MGAT4D: variants seen among roughly 807,000 people sequenced by gnomAD.
The protein encoded by MGAT4D is MGAT4 family member D, also known as alpha-1,3-mannosyl-glycoprotein 4-beta-N-acetylglucosaminyltransferase-like protein MGAT4D.
In MGAT4D, 34 loss-of-function variants were observed where a neutral mutation model predicts 15.9. The ratio of observed to expected loss-of-function variants is 2.14; its 90% CI spans 1.62 to 2.84. The LOEUF is 2.84. Ranked by LOEUF, MGAT4D falls within the 30% of genes most tolerant of loss-of-function variation. The probability of loss-of-function intolerance (pLI) is 0.00; values close to 1 mark genes in which losing one functional copy is unlikely to be tolerated. For synonymous variants in MGAT4D, 112 were observed against 48.2 expected, an observed-to-expected ratio of 2.33 and a Z score of -5.49; for missense variants, 327 against 140.2, an observed-to-expected ratio of 2.33 and a Z score of -6.73.
intron 3 of MGAT4D, among the ~76,000 whole-genome samples, chr4:140,478,060 G>A (rs949245134): frequency 6.6e-6 from 1 of 152,034 alleles, no homozygotes; most frequent in Non-Finnish European, 1.5e-5. Context: ...TTTTTTAGTT[G>A]CCTGGAACAG....
chr4:140,476,463 TTCA>T (rs374964233), intron 3 of MGAT4D, among the ~76,000 whole-genome samples: 1 of 152,316 alleles, frequency 6.6e-6, no homozygotes, highest in African/African-American at 2.4e-5. Flanking sequence ...TTGTTTGCCT[TTCA>T]TATTTAGAGC....
intron 4 of MGAT4D, among the ~76,000 whole-genome samples, chr4:140,473,071 C>A (rs2126787142): frequency 6.6e-6 from 1 of 152,074 alleles, no homozygotes; most frequent in Admixed American, 6.5e-5. Context: ...TTGATGATAT[C>A]TTTATATCAT....
At chr4:140,492,500 C>T (rs1439901054) in intron 1 of MGAT4D, among the ~76,000 whole-genome samples, 1 of 152,036 alleles carries the variant, frequency 6.6e-6, no homozygotes, top group African/African-American at 2.4e-5. Context: ...TGGTGGCACG[C>T]GCCTGTAGTC....
In MGAT4D at chr4:140,459,547, C is replaced by T. The variant is rs1046916095; in HGVS notation, c.842G>A (p.Trp281Ter). 5 of 508,632 alleles carry T rather than the reference C, an allele frequency of 9.8e-6. No individual in the cohort carries two copies. The highest frequency in any genetic ancestry group is 1.7e-5 in the Non-Finnish European group (5 of 287,186). The allele number at this position is 508,632 out of a possible 1,614,324, so 31.5% of individuals were successfully genotyped here. A position where few individuals can be genotyped will look rare whatever the true frequency, so the allele number is the denominator to read the frequency against. The change falls in exon 8 of 11, where the codon TGG (tryptophan) becomes TAG (stop). Residue 281 changes from tryptophan to a stop codon, truncating the protein, a stop_gained. Transcript: ENST00000511113. LOFTEE classifies it high-confidence loss of function. Reference sequence around the variant, plus strand: ...AAGCATTGAAAACTCAATAAAAAACCAATTATTTGAACTGATATTACCTAC... The same window carrying T: ...AAGCATTGAAAACTCAATAAAAAACTAATTATTTGAACTGATATTACCTAC... ...DFVGNISSNN[W>*]FFIEFSMLGF... is the part of the protein sequence containing the mutation.
intron 2 of MGAT4D, among the ~76,000 whole-genome samples, chr4:140,480,703 C>A (rs1321314042): frequency 6.7e-6 from 1 of 148,884 alleles, no homozygotes; most frequent in African/African-American, 2.5e-5. Flanking sequence ...ACAGCATGAG[C>A]AATATAGCAA....
intron 1 of MGAT4D, among the ~76,000 whole-genome samples, chr4:140,483,845 G>A (rs994855813): frequency 2.7e-5 from 4 of 146,550 alleles, no homozygotes; most frequent in South Asian, 2.2e-4. Context: ...ATTTCAACTC[G>A]CATAAAAAAT....
chr4:140,458,593 C>T (rs1227206181), intron 8 of MGAT4D: 1 of 152,116 alleles, frequency 6.6e-6, no homozygotes, highest in Non-Finnish European at 1.5e-5. Flanking sequence ...ATTCTGAATG[C>T]ATAAATTTCA....
At chr4:140,488,667 C>T (rs1337377276) in intron 1 of MGAT4D, among the ~76,000 whole-genome samples, 3 of 152,176 alleles carry the variant, frequency 2.0e-5, no homozygotes, top group African/African-American at 4.8e-5. Context: ...ACCATAAGTG[C>T]ATAGAGTGTG....
chr4:140,459,014 A>G (rs1482133713), intron 8 of MGAT4D: 1 of 152,192 alleles, frequency 6.6e-6, no homozygotes, highest in Non-Finnish European at 1.5e-5. Context: ...AGGGTAGTAA[A>G]AAAGATCTCA....
intron 2 of MGAT4D, 38 bp from the exon 3 acceptor site, chr4:140,479,665 T>C (rs777089281): frequency 8.8e-5 from 34 of 387,596 alleles, no homozygotes; most frequent in Admixed American, 2.7e-4. Context: ...TATATGATCA[T>C]AGGGATTTTT....
intron 10 of MGAT4D, among the ~76,000 whole-genome samples, chr4:140,443,745 G>T (rs1401046205): frequency 6.6e-6 from 1 of 151,966 alleles, no homozygotes; most frequent in Non-Finnish European, 1.5e-5. Flanking sequence ...ACAAAACATT[G>T]TAGGTAATAT....
chr4:140,460,993 G>C (rs1731136648), intron 7 of MGAT4D, among the ~76,000 whole-genome samples: 1 of 152,158 alleles, frequency 6.6e-6, no homozygotes, highest in Non-Finnish European at 1.5e-5. Context: ...TCCACAACTA[G>C]CTGGTTAGAA....
chr4:140,448,476 G>C (rs1158721957), intron 10 of MGAT4D, among the ~76,000 whole-genome samples: 2 of 152,066 alleles, frequency 1.3e-5, no homozygotes, highest in Non-Finnish European at 2.9e-5. Flanking sequence ...TCTTTCCTCA[G>C]CTTTGTCTGT....
intron 5 of MGAT4D, among the ~76,000 whole-genome samples, chr4:140,468,943 C>T (rs1731730484): frequency 6.6e-6 from 1 of 152,110 alleles, no homozygotes; most frequent in Non-Finnish European, 1.5e-5. Context: ...CTCATCTCCT[C>T]TTTGGTCTCA....
intron 5 of MGAT4D, among the ~76,000 whole-genome samples, chr4:140,471,523 C>A (rs943155493): frequency 8.6e-5 from 13 of 151,940 alleles, no homozygotes; most frequent in African/African-American, 2.7e-4. Flanking sequence ...CTCTCGGTAC[C>A]AATGGTTATC....
intron 5 of MGAT4D, among the ~76,000 whole-genome samples, chr4:140,466,142 T>C (rs557333058): frequency 6.0e-5 from 9 of 149,678 alleles, no homozygotes; most frequent in African/African-American, 2.2e-4. Context: ...AAGAGGAAAT[T>C]GGCTGACAGA....
rs79569060 is a variant in MGAT4D, at chr4:140,450,964, A to T, written c.1116+446T>A. Among the ~76,000 whole-genome samples the T allele has an allele frequency of 8.5e-3, 1,287 of 152,298 alleles. 13 individuals are homozygous for T. Among genetic ancestry groups the T allele is most frequent in the African/African-American group, 0.03 (1,258 of 41,576 alleles). On this transcript the variant is annotated intron_variant, in intron 10 of 10. Transcript: ENST00000511113. The stretch of plus-strand genomic sequence containing the variant: ...ATGATGCAAAATTTTAAGAATGACT[A>T]AAATTCAAGCAACGCTAAATTTTTC...
chr4:140,464,972 T>C lies in MGAT4D; in HGVS notation c.610A>G (p.Ile204Val). ...RQVRSGSLEV[I>V]SIPAFLYSSM... ...GAGTATAAAAAGGCAGGTATTGAAA[T>C]GACCTCTAAGGATCCAGACCTCACT... The change falls in exon 6 of 11, where the codon ATT (isoleucine) becomes GTT (valine). Residue 204 changes from isoleucine to valine, a missense_variant. Ile to Val is a conservative substitution (Grantham distance 29). Coordinates refer to ENST00000511113, the MANE Select transcript of MGAT4D (RefSeq NM_001277353.2). 2 of 702,838 alleles carry C rather than the reference T, an allele frequency of 2.8e-6. No homozygotes were observed. Among genetic ancestry groups the C allele is most frequent in the Non-Finnish European group, 5.2e-6 (2 of 384,884 alleles). 43.5% of individuals were successfully genotyped at this position (702,838 alleles called of 1,614,324 possible).
chr4:140,466,671 GT>G (rs1394078779), intron 5 of MGAT4D, among the ~76,000 whole-genome samples: 1 of 151,994 alleles, frequency 6.6e-6, no homozygotes, highest in African/African-American at 2.4e-5. Context: ...TTTAACATAC[GT>G]TTAAAGGTCA....
Sources: gnomAD v4.1 joint callset for allele counts (sites outside exome capture counted in the v4.1 genomes callset) on GRCh38, gnomAD v4.1.1 for gene constraint, MANE v1.5 for transcripts, NCBI Gene and HGNC (gene_info 2026-07-23, HGNC 2026-07-21) for gene names.